NRAP: variants seen among roughly 807,000 people sequenced by gnomAD.
The protein encoded by NRAP is nebulin-related-anchoring protein.
Under a neutral mutation model 225.9 loss-of-function variants are expected in NRAP, and 189 were observed. The ratio of observed to expected loss-of-function variants is 0.84; its 90% CI spans 0.74 to 0.94. NRAP has a LOEUF of 0.94. Among genes scored for constraint, NRAP ranks in the 40% least tolerant of loss-of-function variants. The probability of loss-of-function intolerance (pLI) is 0.00; values close to 1 mark genes in which losing one functional copy is unlikely to be tolerated. For synonymous variants in NRAP, 769 were observed against 790.7 expected (o/e 0.97, Z 0.46); for missense variants, 2,176 against 2,168.7 (o/e 1.00, Z -0.07).
At position 113,652,949 on chromosome 10, in the gene NRAP, G is replaced by C. The variant is rs35049661; in HGVS notation, c.556C>G (p.Gln186Glu). The change falls in exon 6 of 42, where the codon CAG becomes GAG. Residue 186 changes from glutamine to glutamate, a missense_variant. Gln to Glu is a conservative substitution (Grantham distance 29). This residue lies in a region of NRAP where 1,708 missense variants were observed against 1,695.5 expected (regional missense o/e 1.01). Coordinates refer to ENST00000359988, the MANE Select transcript of NRAP (RefSeq NM_198060.4). ...CAGGCACTCACTTGGCTGGCCAGCT[G>C]GTTGGCTTTCTTGGCCCTTTGATAA... is the stretch of plus-strand genomic sequence containing the variant. ...PAYQRAKKAN[Q>E]LASQVEYKRG... 4,032 of 1,612,044 alleles carry C rather than the reference G, an allele frequency of 2.5e-3. 86 individuals are homozygous for C. The African/African-American group carries it at 0.047, about 19-fold the overall frequency.
chr10:113,655,404 T>G (rs538222474), intron 4 of NRAP, among the ~76,000 whole-genome samples: 2 of 152,118 alleles, frequency 1.3e-5, no homozygotes, highest in African/African-American at 4.8e-5. Flanking sequence ...GAAAAAAAAT[T>G]TTGGAATAAT....
intron 5 of NRAP, among the ~76,000 whole-genome samples, 200 bp downstream of exon 5, chr10:113,653,821 C>T (rs959359768): frequency 2.6e-5 from 4 of 152,186 alleles, no homozygotes; most frequent in Admixed American, 2.0e-4. Flanking sequence ...TCCTGCCCTA[C>T]ATGGATTTGG....
At chr10:113,618,391 A>T (rs1306763674) in intron 25 of NRAP, among the ~76,000 whole-genome samples, 1 of 152,250 alleles carries the variant, frequency 6.6e-6, no homozygotes, top group Non-Finnish European at 1.5e-5. Context: ...AAGACAACAC[A>T]AATCAATAGC....
At chr10:113,648,464 T>TCTCTCTCTCTCTCC (rs1201992012) in intron 9 of NRAP, among the ~76,000 whole-genome samples, 1 of 130,310 alleles carries the variant, frequency 7.7e-6, no homozygotes, top group East Asian at 2.2e-4. Flanking sequence ...TCTCTCTCTC[T>TCTCTCTCTCTCTCC]CTCTATATAT....
At position 113,589,750 on chromosome 10, in the gene NRAP, G is replaced by T. The variant is rs768678100; in HGVS notation, c.5004C>A (p.Thr1668=). 4.3e-6 allele frequency: 7 copies of T among 1,614,052 alleles called. No homozygotes were observed. Among genetic ancestry groups the T allele is most frequent in the Non-Finnish European group, 5.1e-6 (6 of 1,180,034 alleles). ...DLNLTRGVGW[T]PPGSYKVEMA... ...TTTCCACTTTGTAGGAGCCAGGAGG[G>T]GTCCAGCCAACACCTCTGGTCAGGT... Residue 1668 remains threonine (T), a synonymous_variant, in exon 41 of 42, where the codon ACC becomes ACA. Coordinates refer to ENST00000359988, the MANE Select transcript of NRAP (RefSeq NM_198060.4).
rs189248527 is a variant in NRAP, at chr10:113,614,909, C to T, written c.3116G>A (p.Gly1039Asp). ...YKESWSKLRD[G>D]GYKLRLDALP... ...GGCATCCAACCTCAGTTTATAGCCA[C>T]CATCTCGAAGTTTGCTCCAGGATTC... The change falls in exon 28 of 42, where the codon GGT (glycine) becomes GAT (aspartate). Residue 1039 changes from glycine (G) to aspartate (D), a missense_variant. By Grantham distance (94) the Gly-to-Asp change is moderately conservative (BLOSUM62 -1). Transcript: ENST00000359988. The T allele has an allele frequency of 2.5e-6, 4 of 1,613,326 alleles. No individual in the cohort carries two copies. In the East Asian group the frequency reaches 8.9e-5, roughly 36 times the overall value.
chr10:113,595,567 G>T, intron 38 of NRAP, 56 bp downstream of exon 38: 2 of 1,114,920 alleles, frequency 1.8e-6, no homozygotes, highest in Non-Finnish European at 2.7e-6. Context: ...TCCACATTGG[G>T]CACAGATCAT....
At chr10:113,636,746 T>C (rs896116921) in intron 14 of NRAP, among the ~76,000 whole-genome samples, 1 of 152,078 alleles carries the variant, frequency 6.6e-6, no homozygotes, top group African/African-American at 2.4e-5. Flanking sequence ...CAGTGGCTCA[T>C]GCCTGTAATC....
chr10:113,662,514 C>T (rs1209499111), intron 3 of NRAP, among the ~76,000 whole-genome samples, 165 bp downstream of exon 3: 1 of 152,124 alleles, frequency 6.6e-6, no homozygotes, highest in Admixed American at 6.6e-5. Context: ...TCTCTAACTC[C>T]CAAGCTCAAA....
Position 113,647,001 on chromosome 10 carries a change from G to A in NRAP, c.915C>T (p.His305=), listed in dbSNP as rs978125376. Residue 305 remains histidine, a synonymous_variant, in exon 10 of 42, where the codon CAC becomes CAT. Transcript: ENST00000359988. ...GQGYPEEYEE[H]RGKGSFPAMI... is the part of the protein sequence containing the mutation. The stretch of plus-strand genomic sequence containing the variant: ...TAGCTGGGAAGCTGCCCTTTCCCCT[G>A]TGCTCCTCATACTCCTCCGGGTAAC... 6.2e-7 allele frequency: 1 copy of A among 1,613,906 alleles called. No homozygotes were observed. Among genetic ancestry groups the A allele is most frequent in the Non-Finnish European group, 8.5e-7 (1 of 1,179,842 alleles).
chr10:113,660,305 T>C (rs1014442839), intron 3 of NRAP, among the ~76,000 whole-genome samples: 4 of 151,696 alleles, frequency 2.6e-5, no homozygotes, highest in Admixed American at 2.6e-4. Context: ...CATACACACA[T>C]ATAGATGTGT....
At chr10:113,641,034 G>A (rs985511277) in intron 13 of NRAP, among the ~76,000 whole-genome samples, 1 of 152,084 alleles carries the variant, frequency 6.6e-6, no homozygotes, top group African/African-American at 2.4e-5. Flanking sequence ...GGAACCCTGG[G>A]GAATTTGGAA....
At chr10:113,663,523 A>G (rs1159416224) in intron 1 of NRAP, 77 bp from the exon 2 acceptor site, 5 of 925,064 alleles carry the variant, frequency 5.4e-6, no homozygotes, top group Non-Finnish European at 5.1e-6. Flanking sequence ...TTTAGGGTAA[A>G]AAAATGAACT....
chr10:113,610,401 C>T (rs1226117149), intron 31 of NRAP, 58 bp downstream of exon 31: 7 of 669,294 alleles, frequency 1.0e-5, no homozygotes, highest in South Asian at 1.7e-5. Context: ...AAGAAACAAA[C>T]TGATTATCCT....
At position 113,634,172 on chromosome 10, in the gene NRAP, G is replaced by A. The variant is rs1417681260; in HGVS notation, c.1467C>T (p.Ser489=). The change falls in exon 15 of 42, where the codon AGC becomes AGT. Residue 489 remains serine, a synonymous_variant. Transcript: ENST00000359988. ...CAATCTGTGGGGTGTCAGTCACCGA[G>A]CTGTACTTCAACTTGTCGATGCTCT... The part of the protein sequence containing the change: ...YRQSIDKLKY[S]SVTDTPQIVQ... The A allele has an allele frequency of 6.2e-7, 1 of 1,613,788 alleles. No homozygotes were observed. The highest frequency in any genetic ancestry group is 2.2e-5 in the East Asian group (1 of 44,882).
Position 113,654,008 on chromosome 10 carries a change from C to A in NRAP, c.465+13G>T, listed in dbSNP as rs1375100171. On this transcript the variant is annotated intron_variant, in intron 5 of 41. Coordinates refer to ENST00000359988, the MANE Select transcript of NRAP (RefSeq NM_198060.4). ...GCTAAACCAATTCCTAAAGCAATTT[C>A]TAGGGTGCTTACCTCACCAAGAGAC... is the stretch of plus-strand genomic sequence containing the variant. 8 of 1,547,218 alleles carry A rather than the reference C, an allele frequency of 5.2e-6. No homozygotes were observed. The Admixed American group carries it at 8.4e-5, about 16-fold the overall frequency.
At chr10:113,590,004 G>A (rs1002510900) in intron 40 of NRAP, among the ~76,000 whole-genome samples, 3 of 152,220 alleles carry the variant, frequency 2.0e-5, no homozygotes, top group Non-Finnish European at 4.4e-5. Flanking sequence ...CCGGCATGTT[G>A]CTGTCTCTTG....
rs751674152 is a variant in NRAP at position 113,606,177 on chromosome 10, C to T, written c.3807+1G>A. 1.6e-5 allele frequency: 26 copies of T among 1,607,982 alleles called. No individual in the cohort carries two copies. Among genetic ancestry groups the T allele is most frequent in the Non-Finnish European group, 2.2e-5 (26 of 1,174,400 alleles). Reference sequence around the variant, plus strand: ...TGAACTTAAGTAACAAAAGGGCTTACGTCACTCAGGTTGGCTGCATTCGTT... The same window carrying T: ...TGAACTTAAGTAACAAAAGGGCTTATGTCACTCAGGTTGGCTGCATTCGTT... On this transcript the variant is annotated splice_donor_variant, in intron 33 of 41. Coordinates refer to ENST00000359988, the MANE Select transcript of NRAP (RefSeq NM_198060.4). LOFTEE classifies it high-confidence loss of function.
At chr10:113,626,980 G>T (rs190487152) in intron 20 of NRAP, among the ~76,000 whole-genome samples, 2 of 152,178 alleles carry the variant, frequency 1.3e-5, no homozygotes, top group African/African-American at 4.8e-5. Context: ...TGAAAACGGC[G>T]TGTGGAAGCA....
Sources: gnomAD v4.1 joint callset for allele counts (sites outside exome capture counted in the v4.1 genomes callset) on GRCh38, gnomAD v4.1.1 for gene constraint, gnomAD v4.1.1 regional missense constraint, MANE v1.5 for transcripts, NCBI Gene and HGNC (gene_info 2026-07-23, HGNC 2026-07-21) for gene names.